The following ARL17B variants were observed in gnomAD, a reference collection of about 807,000 sequenced individuals.
ARL17B encodes ARF like GTPase 17B, also known as ADP-ribosylation factor-like protein 17.
At chr17:46,274,788 T>C (rs555339191) in exon 5 of ARL17B, 1 of 115,638 alleles carries the variant, frequency 8.6e-6, no homozygotes, top group East Asian at 1.9e-4. Context: ...TTTTTCTTTT[T>C]TTTTTTTAAT....
chr17:46,336,300 C>A lies in ARL17B; in HGVS notation c.*3200G>T. On this transcript the variant is annotated 3_prime_UTR_variant, in exon 4 of 4. Transcript: ENST00000450673. ...TATGCAAACCTCACAGAATTTTAAC[C>A]AGAAAGGCCAGGCAGGATGGCTCAC... is the stretch of plus-strand genomic sequence containing the variant. Among the ~76,000 whole-genome samples the A allele has an allele frequency of 5.4e-5, 1 of 18,642 alleles. No homozygotes were observed. Among genetic ancestry groups the A allele is most frequent in the Non-Finnish European group, 2.8e-4 (1 of 3,552 alleles). The allele number at this position is 18,642 out of a possible 152,430, so 12.2% of individuals were successfully genotyped here.
At chr17:46,287,956 C>T (rs1243864875) in intron 4 of ARL17B, among the ~76,000 whole-genome samples, 1 of 152,206 alleles carries the variant, frequency 6.6e-6, no homozygotes, top group Non-Finnish European at 1.5e-5. Context: ...AACATCATGT[C>T]AAAGTCATAG....
chr17:46,319,212 A>ATTTTTTTTTTTTTT (rs1225879085), intron 3 of ARL17B, among the ~76,000 whole-genome samples: 1 of 1,640 alleles, frequency 6.1e-4, no homozygotes, highest in East Asian at 5.1e-3. Context: ...ATTGTGGTCA[A>ATTTTTTTTTTTTTT]TTTTTTTTTT....
intron 4 of ARL17B, among the ~76,000 whole-genome samples, chr17:46,276,790 C>CTTTTCTTTTTTTTTTTT (rs2049598576): frequency 1.1e-4 from 15 of 134,288 alleles, no homozygotes; most frequent in Non-Finnish European, 1.6e-4. Context: ...TTCTTTTTTT[C>CTTTTCTTTTTTTTTTTT]TTTTTTTTTT....
At chr17:46,326,983 T>C (rs1177218467) in intron 3 of ARL17B, among the ~76,000 whole-genome samples, 1 of 78,762 alleles carries the variant, frequency 1.3e-5, no homozygotes, top group African/African-American at 3.6e-5. Context: ...GATGAAAGAA[T>C]AGTACAGAAT....
At chr17:46,284,450 G>A (rs2049852564) in intron 4 of ARL17B, among the ~76,000 whole-genome samples, 1 of 152,174 alleles carries the variant, frequency 6.6e-6, no homozygotes, top group South Asian at 2.1e-4. Flanking sequence ...CGGGGTTGGG[G>A]GTAAGGTTAT....
intron 4 of ARL17B, among the ~76,000 whole-genome samples, chr17:46,279,032 A>G (rs2049679932): frequency 6.6e-6 from 1 of 152,072 alleles, no homozygotes; most frequent in South Asian, 2.1e-4. Flanking sequence ...TCCTGATCTC[A>G]GGTGATCCAC....
chr17:46,280,644 G>C (rs2049738269), intron 4 of ARL17B, among the ~76,000 whole-genome samples: 1 of 136,606 alleles, frequency 7.3e-6, no homozygotes, highest in Non-Finnish European at 1.5e-5. Context: ...TGTGATCTTG[G>C]CTCATTGCAG....
At chr17:46,275,377 G>T in exon 5 of ARL17B, 1 of 1,011,022 alleles carries the variant, frequency 9.9e-7, no homozygotes. Context: ...TTAACATGCT[G>T]AACTTTAGGA....
At chr17:46,278,409 T>TG (rs1555611155) in intron 4 of ARL17B, among the ~76,000 whole-genome samples, 2 of 104,866 alleles carry the variant, frequency 1.9e-5, no homozygotes, top group Non-Finnish European at 5.0e-5. Context: ...TTGTTTTTTT[T>TG]TTGTTGTTGT....
At chr17:46,315,963 G>T in intron 3 of ARL17B, among the ~76,000 whole-genome samples, 3 of 54,878 alleles carry the variant, frequency 5.5e-5, no homozygotes, top group Admixed American at 1.9e-4. Flanking sequence ...TCACTCTGTT[G>T]CCCAGGCTAG....
chr17:46,282,429 T>A (rs1163367099), intron 4 of ARL17B, among the ~76,000 whole-genome samples: 2 of 151,326 alleles, frequency 1.3e-5, no homozygotes. Context: ...TTTTTTTTTT[T>A]AAACAGGCAA....
chr17:46,317,152 C>T (rs1367522855), intron 3 of ARL17B, among the ~76,000 whole-genome samples: 21 of 88,430 alleles, frequency 2.4e-4, no homozygotes, highest in Non-Finnish European at 5.0e-4. Flanking sequence ...GGGTGGCGGC[C>T]GGGCAGAGGC....
intron 4 of ARL17B, among the ~76,000 whole-genome samples, chr17:46,291,985 A>AAAAAAAAAAAC (rs1360524355): frequency 0.015 from 1,128 of 76,098 alleles, 90 homozygotes; most frequent in South Asian, 0.023. Flanking sequence ...AAAAAAAAAA[A>AAAAAAAAAAAC]AAGCCAATAA....
In ARL17B at chr17:46,325,562, AG is replaced by A. The variant is rs2051686043; in HGVS notation, c.260-25898del. On this transcript the variant is annotated intron_variant, in intron 3 of 4. Coordinates refer to the ARL17B transcript ENST00000434041. ...AAGGAGACTAAAGAATCATGTACTAAGTGTAATGTCTGATGTTTGATTGGAT... is the reference window on the plus strand; with the variant it reads ...AAGGAGACTAAAGAATCATGTACTAATGTAATGTCTGATGTTTGATTGGAT... Among the ~76,000 whole-genome samples, 2 of 81,890 alleles carry A rather than the reference AG, an allele frequency of 2.4e-5. 1 individual carries two copies. Among genetic ancestry groups the A allele is most frequent in the Non-Finnish European group, 7.4e-5 (2 of 26,968 alleles). 53.7% of individuals were successfully genotyped at this position (81,890 alleles called of 152,430 possible).
chr17:46,333,162 G>C (rs1398976094), downstream of ARL17B, among the ~76,000 whole-genome samples: 3 of 105,804 alleles, frequency 2.8e-5, no homozygotes, highest in African/African-American at 8.7e-5. Flanking sequence ...AATAGGTCCA[G>C]TTAAAGCACT....
At chr17:46,330,940 G>C (rs1303515175), downstream of ARL17B, 34 of 725,604 alleles carry the variant, frequency 4.7e-5, no homozygotes, top group Admixed American at 9.9e-4. Context: ...ACACACAGCA[G>C]GGGCCTGAGA....
intron 4 of ARL17B, among the ~76,000 whole-genome samples, chr17:46,277,164 T>C (rs2261200): frequency 1.3e-5 from 2 of 152,186 alleles, no homozygotes; most frequent in Non-Finnish European, 2.9e-5. Flanking sequence ...ATGTGCTTTA[T>C]TGAAAATTAT....
chr17:46,287,129 G>A (rs2049942392), intron 4 of ARL17B, among the ~76,000 whole-genome samples: 1 of 152,188 alleles, frequency 6.6e-6, no homozygotes, highest in South Asian at 2.1e-4. Context: ...GCAAACTCCA[G>A]TATCTGATGC....
Sources: allele counts gnomAD v4.1 joint callset (sites outside exome capture counted in the v4.1 genomes callset), GRCh38; gene constraint gnomAD v4.1.1; transcripts MANE v1.5; gene names NCBI Gene and HGNC (gene_info 2026-07-23, HGNC 2026-07-21).